Variants in CSMD2 observed in about 807,000 individuals in gnomAD.
CSMD2 encodes CUB and Sushi multiple domains 2.
CSMD2 carries 130 observed loss-of-function variants against 398.5 expected under a neutral mutation model. The observed-to-expected ratio is 0.33, with a 90% confidence interval of 0.28 to 0.38. The LOEUF (loss-of-function observed/expected upper bound fraction) is 0.38. CSMD2 is among the 10% of genes least tolerant of loss of function. CSMD2 has a pLI of 1.00. For synonymous variants in CSMD2, 1,828 were observed against 1,908.5 expected (o/e 0.96, Z 1.10); for missense variants, 3,829 against 4,764.9 (o/e 0.80, Z 5.78).
intron 7 of CSMD2, 38 bp from the exon 8 acceptor site, chr1:33,820,594 C>G: frequency 7.8e-7 from 1 of 1,275,282 alleles, no homozygotes; most frequent in Non-Finnish European, 1.1e-6. Context: ...AAAAACAGCA[C>G]ACACAGAGAT....
At position 33,611,162 on chromosome 1, in the gene CSMD2, C is replaced by G. The variant is rs375268880; in HGVS notation, c.6222G>C (p.Met2074Ile). The G allele has an allele frequency of 3.1e-5, 50 of 1,613,960 alleles. No homozygotes were observed. The highest frequency in any genetic ancestry group is 3.7e-5 in the Non-Finnish European group (44 of 1,180,038). Residue 2074 changes from methionine to isoleucine, a missense_variant, in exon 41 of 71, where the codon ATG becomes ATC. This residue lies in a region of CSMD2 where 2,001 missense variants were observed against 2,567.1 expected (regional missense o/e 0.78). Transcript: ENST00000373381. ...IRNGPYETSR[M>I]MGRFSGSELP... ...GCTCGCTTCCACTGAATCTTCCCATCATGCGGCTGGTCTCATAGGGGCCAT... is the reference window on the plus strand; with the variant it reads ...GCTCGCTTCCACTGAATCTTCCCATGATGCGGCTGGTCTCATAGGGGCCAT...
intron 3 of CSMD2, among the ~76,000 whole-genome samples, chr1:33,978,177 A>G (rs930799499): frequency 7.2e-5 from 11 of 152,184 alleles, no homozygotes. Context: ...GGGGAAGGAG[A>G]TGAGATTACA....
At chr1:33,956,629 CCA>C (rs1449553253) in intron 3 of CSMD2, among the ~76,000 whole-genome samples, 2 of 152,072 alleles carry the variant, frequency 1.3e-5, no homozygotes, top group African/African-American at 2.4e-5. Flanking sequence ...TCTCTATGTT[CCA>C]CCCCCACACC....
intron 21 of CSMD2, among the ~76,000 whole-genome samples, chr1:33,710,327 G>A (rs1645942102): frequency 6.6e-6 from 1 of 152,106 alleles, no homozygotes; most frequent in Non-Finnish European, 1.5e-5. Context: ...GTAACTTGAG[G>A]GCTAGGGTCA....
chr1:33,784,398 G>T (rs550309102), intron 12 of CSMD2, among the ~76,000 whole-genome samples: 1 of 152,158 alleles, frequency 6.6e-6, no homozygotes, highest in African/African-American at 2.4e-5. Flanking sequence ...CACCAGGAGG[G>T]TGTGAGAATG....
At chr1:33,709,344 G>T (rs1645908090) in intron 21 of CSMD2, 86 bp from the exon 22 acceptor site, 1 of 1,237,682 alleles carries the variant, frequency 8.1e-7, no homozygotes, top group Non-Finnish European at 1.1e-6. Context: ...ACCTGACAAA[G>T]ATGACAAGTC....
At chr1:33,895,985 T>C (rs1642361296) in intron 5 of CSMD2, among the ~76,000 whole-genome samples, 1 of 152,092 alleles carries the variant, frequency 6.6e-6, no homozygotes, top group Admixed American at 6.5e-5. Context: ...AGCAGTGGCA[T>C]CTCCCCACGC....
chr1:33,937,218 T>G (rs1644507931), intron 3 of CSMD2, among the ~76,000 whole-genome samples: 1 of 152,158 alleles, frequency 6.6e-6, no homozygotes, highest in African/African-American at 2.4e-5. Context: ...GTGGGTGCTG[T>G]GCACAATTAA....
chr1:34,153,192 T>C (rs994953403), intron 1 of CSMD2, among the ~76,000 whole-genome samples: 1 of 152,154 alleles, frequency 6.6e-6, no homozygotes, highest in African/African-American at 2.4e-5. Flanking sequence ...GATTTTTGTA[T>C]TTTTAGTAGA....
intron 1 of CSMD2, among the ~76,000 whole-genome samples, chr1:34,146,760 T>C (rs1197501396): frequency 6.6e-6 from 1 of 152,126 alleles, no homozygotes; most frequent in Non-Finnish European, 1.5e-5. Flanking sequence ...AAGCAATTCA[T>C]AGAGGTGGGC....
In CSMD2 at chr1:33,577,359, C is replaced by A. The variant is rs369837916; in HGVS notation, c.7513G>T (p.Ala2505Ser). The A allele has an allele frequency of 1.1e-5, 18 of 1,614,122 alleles. No individual in the cohort carries two copies. The African/African-American group carries it at 1.6e-4, about 14-fold the overall frequency. Residue 2505 changes from alanine (A) to serine (S), a missense_variant, in exon 49 of 71, where the codon GCC becomes TCC. By Grantham distance (99) the Ala-to-Ser change is moderately conservative (BLOSUM62 1). Coordinates refer to ENST00000373381, the MANE Select transcript of CSMD2 (RefSeq NM_001281956.2). The part of the protein sequence containing the change: ...AGYRLVGHSM[A>S]ICTRHPQGYH... ...CCCTGGGGGTGCCGGGTACAGATGG[C>A]CATGCTGTGTCCCACCAGGCGGTAG...
intron 3 of CSMD2, among the ~76,000 whole-genome samples, chr1:33,940,713 G>T (rs114932749): frequency 1.3e-3 from 203 of 152,260 alleles, no homozygotes; most frequent in Non-Finnish European, 2.1e-3. Context: ...AAGCATCCAA[G>T]CACATAGTGG....
chr1:34,138,144 T>G (rs12134160), intron 1 of CSMD2, among the ~76,000 whole-genome samples: 1 of 152,090 alleles, frequency 6.6e-6, no homozygotes, highest in Non-Finnish European at 1.5e-5. Flanking sequence ...ACAAGCTTTC[T>G]ATTTATTTAA....
chr1:33,553,457 T>C (rs1215267829), intron 55 of CSMD2, among the ~76,000 whole-genome samples: 1 of 152,226 alleles, frequency 6.6e-6, no homozygotes, highest in Non-Finnish European at 1.5e-5. Context: ...GGCCATTCCT[T>C]GTCTATCTCC....
chr1:34,116,976 C>T (rs1350724123), intron 1 of CSMD2, among the ~76,000 whole-genome samples: 7 of 151,906 alleles, frequency 4.6e-5, no homozygotes, highest in African/African-American at 1.7e-4. Flanking sequence ...CAAAAACTTA[C>T]AGGATGCAGC....
intron 13 of CSMD2, among the ~76,000 whole-genome samples, chr1:33,744,104 G>A (rs1647184645): frequency 6.6e-6 from 1 of 152,160 alleles, no homozygotes; most frequent in Non-Finnish European, 1.5e-5. Flanking sequence ...GTGAAACACT[G>A]CGTCTTCGTG....
chr1:34,040,191 AAAAAAAAAATTAAATT>A (rs1651679222), intron 2 of CSMD2, among the ~76,000 whole-genome samples: 2 of 64,674 alleles, frequency 3.1e-5, no homozygotes, highest in African/African-American at 1.1e-4. Context: ...ATCCTGACTC[AAAAAAAAAATTAAATT>A]AAAAAAAAAA....
intron 5 of CSMD2, among the ~76,000 whole-genome samples, chr1:33,898,900 T>C (rs1642569274): frequency 6.6e-6 from 1 of 152,126 alleles, no homozygotes; most frequent in South Asian, 2.1e-4. Context: ...GCTTGACAGA[T>C]TCCAATAATT....
rs190499245 is a variant in CSMD2 at position 34,089,793 on chromosome 1, G to A, written c.188-600C>T. 7.2e-5 allele frequency among the ~76,000 whole-genome samples: 11 copies of A among 152,040 alleles called. No homozygotes were observed. In the East Asian group the frequency reaches 1.7e-3, roughly 24 times the overall value. On this transcript the variant is annotated intron_variant, in intron 1 of 70. Transcript: ENST00000373381. ...GTATACGTTCCTGTTTCTTTCTAAC[G>A]TGTGTTCAGTCATTTCCTCTCCACT...
Sources: gnomAD v4.1 joint callset for allele counts (sites outside exome capture counted in the v4.1 genomes callset) on GRCh38, gnomAD v4.1.1 for gene constraint, gnomAD v4.1.1 regional missense constraint, MANE v1.5 for transcripts, NCBI Gene and HGNC (gene_info 2026-07-23, HGNC 2026-07-21) for gene names.